The following PLAC8 variants were observed in gnomAD, a reference collection of about 807,000 sequenced individuals.
The protein encoded by PLAC8 is placenta associated 8, also known as placenta-specific gene 8 protein.
PLAC8 carries 6 observed loss-of-function variants against 12.6 expected under a neutral mutation model. The observed-to-expected ratio is 0.48, with a 90% CI of 0.26 to 0.94. The LOEUF (loss-of-function observed/expected upper bound fraction) is 0.94, where lower values mean the gene tolerates loss of function less well. PLAC8 is among the 40% of genes least tolerant of loss of function. The pLI, the probability that PLAC8 is intolerant of heterozygous loss-of-function variation, is 0.14. For missense variants in PLAC8, 122 were observed against 152.7 expected (o/e 0.80, Z 1.06); for synonymous variants, 54 against 52.6 (o/e 1.03, Z -0.11).
chr4:83,094,356 G>A (rs913125644), intron 4 of PLAC8: 1 of 192,254 alleles, frequency 5.2e-6, no homozygotes, highest in African/African-American at 2.4e-5. Flanking sequence ...TGTCTTAGCA[G>A]GGAACATGTT....
intron 3 of PLAC8, among the ~76,000 whole-genome samples, chr4:83,097,131 C>T (rs1731957979): frequency 6.6e-6 from 1 of 152,090 alleles, no homozygotes; most frequent in African/African-American, 2.4e-5. Flanking sequence ...CTCTATTCCT[C>T]CAAGAGCTCC....
chr4:83,103,898 C>T (rs1732174073), intron 3 of PLAC8, among the ~76,000 whole-genome samples: 1 of 152,114 alleles, frequency 6.6e-6, no homozygotes, highest in African/African-American at 2.4e-5. Flanking sequence ...TAACTCCTGA[C>T]CTCAAGTGAT....
At chr4:83,096,623 T>A (rs1279836112) in intron 3 of PLAC8, among the ~76,000 whole-genome samples, 2 of 152,226 alleles carry the variant, frequency 1.3e-5, no homozygotes, top group African/African-American at 4.8e-5. Context: ...TTTTGTTCTA[T>A]GCCTATGACT....
intron 1 of PLAC8, among the ~76,000 whole-genome samples, chr4:83,110,286 C>G (rs1334907525): frequency 8.4e-6 from 1 of 118,736 alleles, no homozygotes; most frequent in Non-Finnish European, 1.6e-5. Flanking sequence ...ATTAGATGGA[C>G]CCTGGATTCT....
chr4:83,098,200 G>A (rs762102259), intron 3 of PLAC8, among the ~76,000 whole-genome samples: 1 of 152,148 alleles, frequency 6.6e-6, no homozygotes. Context: ...CTAACGGGAC[G>A]AAACTGAAGG....
chr4:83,108,163 T>A (rs1349903425), intron 1 of PLAC8, among the ~76,000 whole-genome samples: 1 of 150,538 alleles, frequency 6.6e-6, no homozygotes, highest in Non-Finnish European at 1.5e-5. Context: ...ATAAAAGAAA[T>A]CTCGAGGTTG....
chr4:83,102,740 G>A (rs1012695200), intron 3 of PLAC8, among the ~76,000 whole-genome samples: 1 of 152,190 alleles, frequency 6.6e-6, no homozygotes, highest in Non-Finnish European at 1.5e-5. Context: ...TCACTGAATT[G>A]CTGCAATCTC....
chr4:83,101,335 G>A (rs1342624541), intron 3 of PLAC8, among the ~76,000 whole-genome samples: 3 of 152,150 alleles, frequency 2.0e-5, no homozygotes, highest in Non-Finnish European at 4.4e-5. Context: ...AGCCAAGATC[G>A]TGCCCCACTG....
intron 3 of PLAC8, among the ~76,000 whole-genome samples, chr4:83,102,988 A>T (rs906504180): frequency 1.5e-4 from 22 of 151,622 alleles, no homozygotes; most frequent in African/African-American, 5.1e-4. Flanking sequence ...CAGGAGGCCG[A>T]GGCAGGAGAA....
At chr4:83,102,417 T>A (rs1239115690) in intron 3 of PLAC8, among the ~76,000 whole-genome samples, 4 of 152,266 alleles carry the variant, frequency 2.6e-5, no homozygotes, top group African/African-American at 9.6e-5. Context: ...TGCACATCTA[T>A]AGCCCCAGGT....
chr4:83,108,201 G>A (rs1732309449), intron 1 of PLAC8, among the ~76,000 whole-genome samples: 1 of 148,648 alleles, frequency 6.7e-6, no homozygotes, highest in Non-Finnish European at 1.5e-5. Flanking sequence ...TTAGGGGCAG[G>A]ATGCTGAGGC....
intron 3 of PLAC8, among the ~76,000 whole-genome samples, chr4:83,096,002 G>A (rs1731916535): frequency 6.6e-6 from 1 of 152,176 alleles, no homozygotes; most frequent in Non-Finnish European, 1.5e-5. Flanking sequence ...ACAGTTCAGG[G>A]AGGGTCAGAA....
intron 2 of PLAC8, among the ~76,000 whole-genome samples, chr4:83,107,240 C>T (rs1032490747): frequency 6.7e-6 from 1 of 150,364 alleles, no homozygotes; most frequent in Middle Eastern, 3.2e-3. Context: ...AAAAACAAAG[C>T]AGTCAGAGAT....
At chr4:83,092,308 TC>T (rs1256620035) in intron 4 of PLAC8, among the ~76,000 whole-genome samples, 1 of 152,206 alleles carries the variant, frequency 6.6e-6, no homozygotes, top group African/African-American at 2.4e-5. Flanking sequence ...ATGATCTAAC[TC>T]CCCATCTTTG....
chr4:83,101,816 C>A (rs1469345813), intron 3 of PLAC8, among the ~76,000 whole-genome samples: 1 of 152,134 alleles, frequency 6.6e-6, no homozygotes, highest in East Asian at 1.9e-4. Context: ...CTTTCCCCTA[C>A]CCCATGAGAA....
intron 3 of PLAC8, among the ~76,000 whole-genome samples, chr4:83,101,833 AT>A (rs1191112087): frequency 5.3e-5 from 8 of 152,218 alleles, no homozygotes; most frequent in South Asian, 2.1e-4. Flanking sequence ...AGAAAAAAAA[AT>A]AATTATGCTA....
At chr4:83,109,578 C>G (rs1732354065) in intron 1 of PLAC8, 1 of 152,316 alleles carries the variant, frequency 6.6e-6, no homozygotes, top group South Asian at 2.1e-4. Context: ...ACGGACTAGG[C>G]GAACGTGTGT....
At chr4:83,098,005 C>T (rs745705838) in intron 3 of PLAC8, among the ~76,000 whole-genome samples, 54 of 151,994 alleles carry the variant, frequency 3.6e-4, no homozygotes, top group Non-Finnish European at 7.1e-4. Flanking sequence ...ACTGCAGGTG[C>T]GCGCCATCAT....
At chr4:83,097,789 G>A (rs575924655) in intron 3 of PLAC8, among the ~76,000 whole-genome samples, 23 of 151,734 alleles carry the variant, frequency 1.5e-4, no homozygotes, top group Middle Eastern at 3.5e-3. Context: ...TGTGTTTTTG[G>A]TAAAAGATTA....
Sources: allele counts gnomAD v4.1 joint callset (sites outside exome capture counted in the v4.1 genomes callset), GRCh38; gene constraint gnomAD v4.1.1; transcripts MANE v1.5; gene names NCBI Gene and HGNC (gene_info 2026-07-23, HGNC 2026-07-21).